The following PPP1R7 variants were observed in gnomAD, a reference collection of about 807,000 sequenced individuals.
PPP1R7 encodes protein phosphatase 1 regulatory subunit 7.
A neutral mutation model predicts 45.2 loss-of-function variants in PPP1R7; 18 were observed. That is an observed-to-expected ratio of 0.40 (90% CI 0.28 to 0.59). The LOEUF (loss-of-function observed/expected upper bound fraction) is 0.59. Ranked by LOEUF, PPP1R7 falls within the 20% of genes least tolerant of loss-of-function variation. PPP1R7 has a pLI of 0.46. For missense variants in PPP1R7, 314 were observed against 455.8 expected (o/e 0.69, Z 2.83); for synonymous variants, 181 against 183.4 (o/e 0.99, Z 0.11).
Position 241,183,288 on chromosome 2 carries a change from T to G in PPP1R7, c.*465T>G, listed in dbSNP as rs2068040928. 2.4e-6 allele frequency: 1 copy of G among 425,100 alleles called. No homozygotes were observed. Among genetic ancestry groups the G allele is most frequent in the African/African-American group, 2.1e-5 (1 of 48,428 alleles). 26.3% of individuals were successfully genotyped at this position (425,100 alleles called of 1,614,324 possible). A position where few individuals can be genotyped will look rare whatever the true frequency, so the allele number is the denominator to read the frequency against. On this transcript the variant is annotated 3_prime_UTR_variant, in exon 10 of 10. Transcript: ENST00000234038. Reference sequence around the variant, plus strand: ...GCAACAACCGAGGTTTTTTAGTCTTTTAACCCAGCCATTTTCAATTTTTTA... The same window carrying G: ...GCAACAACCGAGGTTTTTTAGTCTTGTAACCCAGCCATTTTCAATTTTTTA...
chr2:241,183,531 C>T lies in PPP1R7; in HGVS notation c.*708C>T. 2.2e-6 allele frequency: 1 copy of T among 453,246 alleles called. No individual in the cohort carries two copies. 28.1% of individuals were successfully genotyped at this position (453,246 alleles called of 1,614,324 possible). A position where few individuals can be genotyped will look rare whatever the true frequency, so the allele number is the denominator to read the frequency against. The stretch of plus-strand genomic sequence containing the variant: ...TGTGCTGCTGCCAGAATACGAGTCC[C>T]ATTGAGCCTCTCCAAAGACGGCCTC... On this transcript the variant is annotated 3_prime_UTR_variant, in exon 10 of 10. Coordinates refer to ENST00000234038, the MANE Select transcript of PPP1R7 (RefSeq NM_002712.3).
At position 241,160,389 on chromosome 2, in the gene PPP1R7, A is replaced by G. The variant is rs766667317; in HGVS notation, c.492A>G (p.Thr164=). 3 of 1,613,156 alleles carry G rather than the reference A, an allele frequency of 1.9e-6. No individual in the cohort carries two copies. The highest frequency in any genetic ancestry group is 2.2e-5 in the South Asian group (2 of 90,758). Residue 164 remains threonine (T), a synonymous_variant, in exon 6 of 10, where the codon ACA becomes ACG. Transcript: ENST00000234038. ...ACATCGAAGGGGTTGACAAGTTGAC[A>G]CGACTGAAAAAACTCTTCTTGGTCA... is the stretch of plus-strand genomic sequence containing the variant. ...LRNIEGVDKL[T]RLKKLFLVNN... is the part of the protein sequence containing the mutation.
Position 241,153,704 on chromosome 2 carries a change from GA to G in PPP1R7, c.181+102del. The G allele has an allele frequency of 2.0e-6, 3 of 1,480,566 alleles. No individual in the cohort carries two copies. In the African/African-American group the frequency reaches 4.1e-5, roughly 20 times the overall value. 91.7% of individuals were successfully genotyped at this position (1,480,566 alleles called of 1,614,324 possible). A position where few individuals can be genotyped will look rare whatever the true frequency, so the allele number is the denominator to read the frequency against. ...GGTGTGGGTGCTGTGTCGGTCTGGA[GA>G]AGGACTGCCGTGCTCCTTAGGGGTC... On this transcript the variant is annotated intron_variant, in intron 2 of 9. Coordinates refer to ENST00000234038, the MANE Select transcript of PPP1R7 (RefSeq NM_002712.3).
chr2:241,182,716 G>A lies in PPP1R7; in HGVS notation c.976G>A (p.Val326Met). 6.2e-7 allele frequency: 1 copy of A among 1,614,214 alleles called. No homozygotes were observed. The highest frequency in any genetic ancestry group is 8.5e-7 in the Non-Finnish European group (1 of 1,180,042). Residue 326 changes from valine (V) to methionine (M), a missense_variant, in exon 10 of 10, where the codon GTG becomes ATG. Val to Met is a conservative substitution (Grantham distance 21, BLOSUM62 1). Coordinates refer to ENST00000234038, the MANE Select transcript of PPP1R7 (RefSeq NM_002712.3). ...ELKGARSLET[V>M]YLERNPLQKD... ...GAAGGGAGCCAGGAGCCTGGAGACA[G>A]TGTACCTGGAGCGGAACCCCTTGCA... is the stretch of plus-strand genomic sequence containing the variant.
intron 9 of PPP1R7, among the ~76,000 whole-genome samples, chr2:241,175,300 T>C (rs773767365): frequency 5.9e-5 from 9 of 152,228 alleles, no homozygotes; most frequent in Non-Finnish European, 1.2e-4. Context: ...TTTCAACTTA[T>C]AAAACTGGAA....
At chr2:241,149,578 A>C, upstream of PPP1R7, 1 of 1,416,972 alleles carries the variant, frequency 7.1e-7, no homozygotes, top group South Asian at 1.2e-5. Context: ...AGAGTCTAGA[A>C]GCCCGCGCTA....
upstream of PPP1R7, chr2:241,149,651 G>C (rs1374901022): frequency 5.2e-6 from 8 of 1,541,672 alleles, no homozygotes; most frequent in Non-Finnish European, 4.4e-6. Flanking sequence ...GGAATAATGG[G>C]CGCCTCCGCC....
chr2:241,167,526 A>T (rs1004873043), intron 8 of PPP1R7, among the ~76,000 whole-genome samples: 17 of 152,232 alleles, frequency 1.1e-4, no homozygotes, highest in African/African-American at 4.1e-4. Flanking sequence ...TGGGGTGCGC[A>T]GCAGGGAGCC....
Position 241,182,892 on chromosome 2 carries a change from C to T in PPP1R7, c.*69C>T. 6.5e-7 allele frequency: 1 copy of T among 1,530,318 alleles called. No individual in the cohort carries two copies. The highest frequency in any genetic ancestry group is 8.9e-7 in the Non-Finnish European group (1 of 1,125,572). The allele number at this position is 1,530,318 out of a possible 1,614,324, so 94.8% of individuals were successfully genotyped here. A position where few individuals can be genotyped will look rare whatever the true frequency, so the allele number is the denominator to read the frequency against. On this transcript the variant is annotated 3_prime_UTR_variant, in exon 10 of 10. Coordinates refer to ENST00000234038, the MANE Select transcript of PPP1R7 (RefSeq NM_002712.3). ...GCCCAGCCACGGGTTTTTAACCCAC[C>T]TGTTGCTCCTGAGGTCGTCACTATA... is the stretch of plus-strand genomic sequence containing the variant.
chr2:241,150,205 C>G (rs973868119), upstream of PPP1R7: 6 of 1,275,414 alleles, frequency 4.7e-6, no homozygotes, highest in Non-Finnish European at 5.9e-6. Context: ...CTCCGTCTGC[C>G]TGCAGCTACG....
chr2:241,173,409 C>T, intron 9 of PPP1R7, among the ~76,000 whole-genome samples: 1 of 152,116 alleles, frequency 6.6e-6, no homozygotes, highest in South Asian at 2.1e-4. Context: ...ACACACGGCC[C>T]TGGTTTGCAT....
intron 9 of PPP1R7, among the ~76,000 whole-genome samples, chr2:241,176,715 C>T (rs964033755): frequency 6.6e-6 from 1 of 152,174 alleles, no homozygotes; most frequent in African/African-American, 2.4e-5. Flanking sequence ...CCTGCCTCGG[C>T]TTCCCAAAGT....
chr2:241,154,724 A>C (rs1450239385), intron 2 of PPP1R7, among the ~76,000 whole-genome samples: 1 of 152,184 alleles, frequency 6.6e-6, no homozygotes, highest in Non-Finnish European at 1.5e-5. Context: ...GTTTCTGAAC[A>C]GTATGCATGC....
chr2:241,153,359 T>G, intron 1 of PPP1R7, 117 bp from the exon 2 acceptor site: 2 of 1,365,104 alleles, frequency 1.5e-6, no homozygotes, highest in Admixed American at 2.0e-5. Flanking sequence ...TTCGTTGAAC[T>G]GGATTCAACA....
upstream of PPP1R7, chr2:241,150,001 T>C: frequency 2.1e-6 from 3 of 1,405,612 alleles, no homozygotes; most frequent in Non-Finnish European, 2.8e-6. Flanking sequence ...GTTGTTGCTC[T>C]TGCCGTTCGG....
chr2:241,157,114 GC>G (rs2067477423), intron 2 of PPP1R7, among the ~76,000 whole-genome samples: 1 of 152,222 alleles, frequency 6.6e-6, no homozygotes, highest in Non-Finnish European at 1.5e-5. Context: ...CACAGAGGAT[GC>G]CGGCTCCGGG....
Position 241,182,840 on chromosome 2 carries a change from C to T in PPP1R7, c.*17C>T. ...AGGTTCTGAGTCCTTCTTGGCTCCT[C>T]ATGTGGTCCCTCTCCTCGGAAGAAC... On this transcript the variant is annotated 3_prime_UTR_variant, in exon 10 of 10. Coordinates refer to ENST00000234038, the MANE Select transcript of PPP1R7 (RefSeq NM_002712.3). The T allele has an allele frequency of 6.2e-7, 1 of 1,601,396 alleles. No individual in the cohort carries two copies. The highest frequency in any genetic ancestry group is 8.6e-7 in the Non-Finnish European group (1 of 1,169,410).
chr2:241,157,734 G>A, intron 2 of PPP1R7, 73 bp from the exon 3 acceptor site: 2 of 1,463,504 alleles, frequency 1.4e-6, no homozygotes, highest in Non-Finnish European at 1.9e-6. Context: ...CCAGACCTCA[G>A]CCAGAAGCAG....
chr2:241,155,363 G>A (rs979283455), intron 2 of PPP1R7: 4 of 152,126 alleles, frequency 2.6e-5, no homozygotes, highest in African/African-American at 9.7e-5. Flanking sequence ...CAGCTGGCCT[G>A]GCCTGGAAAA....
Sources: gnomAD v4.1 joint callset for allele counts (sites outside exome capture counted in the v4.1 genomes callset) on GRCh38, gnomAD v4.1.1 for gene constraint, MANE v1.5 for transcripts, NCBI Gene and HGNC (gene_info 2026-07-23, HGNC 2026-07-21) for gene names.